Variants in CNTNAP5 observed in about 807,000 individuals in gnomAD.
CNTNAP5 encodes the protein contactin-associated protein-like 5.
CNTNAP5 carries 72 observed loss-of-function variants against 150.2 expected under a neutral mutation model. The observed-to-expected ratio is 0.48, with a 90% CI of 0.40 to 0.58. The LOEUF is 0.58. Ranked by LOEUF, CNTNAP5 falls within the 20% of genes least tolerant of loss-of-function variation. The pLI, the probability that CNTNAP5 is intolerant of heterozygous loss-of-function variation, is 0.00. For missense variants in CNTNAP5, 1,636 were observed against 1,626.2 expected (o/e 1.01, Z -0.10); for synonymous variants, 672 against 619.8 (o/e 1.08, Z -1.25).
chr2:124,031,143 A>C (rs1453878824), intron 1 of CNTNAP5, among the ~76,000 whole-genome samples: 1 of 150,616 alleles, frequency 6.6e-6, no homozygotes, highest in African/African-American at 2.4e-5. Flanking sequence ...CTATACATAC[A>C]CACACACACA....
At chr2:124,663,215 C>T (rs1573532169) in intron 13 of CNTNAP5, among the ~76,000 whole-genome samples, 1 of 152,288 alleles carries the variant, frequency 6.6e-6, no homozygotes, top group Middle Eastern at 3.4e-3. Context: ...CATGGAAAGA[C>T]AAAAACAATC....
intron 19 of CNTNAP5, among the ~76,000 whole-genome samples, chr2:124,817,434 A>AC (rs1230325785): frequency 6.7e-6 from 1 of 149,594 alleles, no homozygotes; most frequent in African/African-American, 2.5e-5. Flanking sequence ...CACAACACAC[A>AC]AAAAAAAACA....
chr2:124,440,052 G>A (rs922855926), intron 5 of CNTNAP5, among the ~76,000 whole-genome samples: 1 of 152,178 alleles, frequency 6.6e-6, no homozygotes, highest in African/African-American at 2.4e-5. Context: ...GAGTCAAATA[G>A]AGTTGGGTTG....
chr2:124,783,952 T>C (rs1427487260), intron 17 of CNTNAP5, among the ~76,000 whole-genome samples: 1 of 152,168 alleles, frequency 6.6e-6, no homozygotes, highest in African/African-American at 2.4e-5. Context: ...GGTACCAAGA[T>C]TCTGCCAATT....
intron 16 of CNTNAP5, among the ~76,000 whole-genome samples, chr2:124,767,914 G>C (rs1054238907): frequency 6.6e-6 from 1 of 152,196 alleles, no homozygotes; most frequent in African/African-American, 2.4e-5. Context: ...AGCTGGTGAA[G>C]AATCCCTGCT....
intron 11 of CNTNAP5, among the ~76,000 whole-genome samples, chr2:124,594,378 G>A (rs1189271074): frequency 1.4e-4 from 22 of 151,862 alleles, no homozygotes; most frequent in East Asian, 5.9e-4. Context: ...TCCCAGCATC[G>A]TTTATTAAAT....
intron 5 of CNTNAP5, among the ~76,000 whole-genome samples, chr2:124,444,128 T>C (rs1368383877): frequency 6.6e-6 from 1 of 152,016 alleles, no homozygotes; most frequent in Admixed American, 6.6e-5. Flanking sequence ...TCTATCTCCG[T>C]CACCTGGAGG....
At chr2:124,780,371 C>T (rs1294619910) in intron 17 of CNTNAP5, among the ~76,000 whole-genome samples, 1 of 152,152 alleles carries the variant, frequency 6.6e-6, no homozygotes, top group Non-Finnish European at 1.5e-5. Context: ...GTAATGGCTC[C>T]AGGGGGAAAG....
intron 3 of CNTNAP5, among the ~76,000 whole-genome samples, chr2:124,398,617 C>T (rs897465895): frequency 2.6e-5 from 4 of 152,070 alleles, no homozygotes; most frequent in African/African-American, 9.7e-5. Flanking sequence ...CTGCCTCAGC[C>T]TTTGGAGTAG....
chr2:124,451,082 A>ACATACC (rs1215637223), intron 6 of CNTNAP5, among the ~76,000 whole-genome samples: 1 of 137,098 alleles, frequency 7.3e-6, no homozygotes, highest in African/African-American at 2.7e-5. Context: ...ATATATACAC[A>ACATACC]CACACACACA....
chr2:124,350,255 A>G (rs1284248035), intron 3 of CNTNAP5, among the ~76,000 whole-genome samples: 3 of 152,170 alleles, frequency 2.0e-5, no homozygotes, highest in Non-Finnish European at 4.4e-5. Context: ...TATGAAAAAT[A>G]TGAGACCTTT....
chr2:124,736,762 T>C (rs1421006969), intron 13 of CNTNAP5, among the ~76,000 whole-genome samples: 17 of 152,348 alleles, frequency 1.1e-4, no homozygotes, highest in Non-Finnish European at 2.2e-4. Context: ...AAACACATTT[T>C]TTAATGTCAT....
intron 19 of CNTNAP5, among the ~76,000 whole-genome samples, chr2:124,860,199 A>C (rs1451443196): frequency 6.6e-6 from 1 of 151,900 alleles, no homozygotes; most frequent in Non-Finnish European, 1.5e-5. Flanking sequence ...AAATACAAAA[A>C]AATAGCCGTG....
chr2:124,386,712 T>C (rs1690935575), intron 3 of CNTNAP5, among the ~76,000 whole-genome samples: 1 of 150,386 alleles, frequency 6.6e-6, no homozygotes, highest in Non-Finnish European at 1.5e-5. Flanking sequence ...AGTGTTCCTC[T>C]TGTGATTATT....
At chr2:124,754,790 C>G (rs1204590070) in intron 14 of CNTNAP5, among the ~76,000 whole-genome samples, 1 of 152,010 alleles carries the variant, frequency 6.6e-6, no homozygotes, top group African/African-American at 2.4e-5. Context: ...TGACCTCAAG[C>G]AATCCTCACG....
rs147934012 is a variant in CNTNAP5 at position 124,470,049 on chromosome 2, T to A, written c.919-4690T>A. Among the ~76,000 whole-genome samples, 773 of 152,314 alleles carry A rather than the reference T, an allele frequency of 5.1e-3. 7 individuals are homozygous for A. The highest frequency in any genetic ancestry group is 0.017 in the African/African-American group (701 of 41,578). On this transcript the variant is annotated intron_variant, in intron 6 of 23. Transcript: ENST00000682447. Reference sequence around the variant, plus strand: ...TGCAATGAACATATATGTGCATGTATCTTTATAATAGAATGATTTATATTC... The same window carrying A: ...TGCAATGAACATATATGTGCATGTAACTTTATAATAGAATGATTTATATTC...
intron 17 of CNTNAP5, among the ~76,000 whole-genome samples, chr2:124,788,983 T>A (rs1177672563): frequency 1.3e-5 from 2 of 152,124 alleles, no homozygotes; most frequent in African/African-American, 4.8e-5. Context: ...AATAGATTGA[T>A]TTTTATTTTA....
chr2:124,694,096 C>A (rs1360016520), intron 13 of CNTNAP5, among the ~76,000 whole-genome samples: 1 of 152,186 alleles, frequency 6.6e-6, no homozygotes, highest in African/African-American at 2.4e-5. Flanking sequence ...GGCACAGCTC[C>A]ATGACCTCCC....
At chr2:124,130,325 C>A (rs7591828) in intron 1 of CNTNAP5, among the ~76,000 whole-genome samples, 12,330 of 151,540 alleles carry the variant, frequency 0.081, 689 homozygotes, top group East Asian at 0.32. Context: ...GGATCCTTCC[C>A]AAACACAGTG....
Sources: gnomAD v4.1 joint callset for allele counts (sites outside exome capture counted in the v4.1 genomes callset) on GRCh38, gnomAD v4.1.1 for gene constraint, MANE v1.5 for transcripts, NCBI Gene and HGNC (gene_info 2026-07-23, HGNC 2026-07-21) for gene names.